Variants in PITPNM3 observed in about 807,000 individuals in gnomAD.
PITPNM3 encodes the protein membrane-associated phosphatidylinositol transfer protein 3.
A neutral mutation model predicts 102.0 loss-of-function variants in PITPNM3; 26 were observed. The observed-to-expected ratio is 0.25, with a 90% CI of 0.19 to 0.35. The LOEUF (loss-of-function observed/expected upper bound fraction) is 0.35. Ranked by LOEUF, PITPNM3 falls within the 10% of genes least tolerant of loss-of-function variation. PITPNM3 has a pLI of 1.00. For synonymous variants in PITPNM3, 578 were observed against 558.6 expected (o/e 1.03, Z -0.49); for missense variants, 1,083 against 1,346.1 (o/e 0.80, Z 3.06).
At chr17:6,510,222 A>G (rs945546926) in intron 3 of PITPNM3, among the ~76,000 whole-genome samples, 7 of 152,102 alleles carry the variant, frequency 4.6e-5, no homozygotes, top group Admixed American at 3.9e-4. Flanking sequence ...TGGGGTTTTT[A>G]TATCTCTTCC....
chr17:6,465,111 G>C (rs1433864066), intron 14 of PITPNM3, among the ~76,000 whole-genome samples: 1 of 152,192 alleles, frequency 6.6e-6, no homozygotes, highest in African/African-American at 2.4e-5. Context: ...GGAGTGCAAT[G>C]GCGCAATCTC....
rs867871 is a variant in PITPNM3, at chr17:6,458,591, T to A, written c.2491-869A>T. On this transcript the variant is annotated intron_variant, in intron 18 of 19. Transcript: ENST00000262483. The surrounding 1 kb of genome is among the most constrained non-coding windows in gnomAD (Gnocchi z 5.1). Reference sequence around the variant, plus strand: ...CCCTCTAACTGTGAACTTCCACATGTCCGCTCCGCTCAGGGCTTCTGCCCC... The same window carrying A: ...CCCTCTAACTGTGAACTTCCACATGACCGCTCCGCTCAGGGCTTCTGCCCC... 0.48 allele frequency among the ~76,000 whole-genome samples: 73,502 copies of A among 151,916 alleles called. 18,288 individuals carry two copies. The highest frequency in any genetic ancestry group is 0.66 in the Middle Eastern group (194 of 294).
intron 14 of PITPNM3, among the ~76,000 whole-genome samples, chr17:6,466,268 C>A (rs1241113706): frequency 6.6e-6 from 1 of 152,228 alleles, no homozygotes; most frequent in African/African-American, 2.4e-5. Flanking sequence ...AAGAAACACT[C>A]CTCGGACTCC....
At chr17:6,532,534 G>C (rs1909200210) in intron 2 of PITPNM3, among the ~76,000 whole-genome samples, 1 of 151,976 alleles carries the variant, frequency 6.6e-6, no homozygotes, top group Non-Finnish European at 1.5e-5. Flanking sequence ...TCTGCTCCTG[G>C]CACCACAGAT....
At position 6,472,580 on chromosome 17, in the gene PITPNM3, T is replaced by G; in HGVS notation, c.1429+77A>C. The G allele has an allele frequency of 6.5e-7, 1 of 1,529,828 alleles. No individual in the cohort carries two copies. Among genetic ancestry groups the G allele is most frequent in the Non-Finnish European group, 8.9e-7 (1 of 1,125,788 alleles). The allele number at this position is 1,529,828 out of a possible 1,614,324, so 94.8% of individuals were successfully genotyped here. On this transcript the variant is annotated intron_variant, in intron 11 of 19. Coordinates refer to ENST00000262483, the MANE Select transcript of PITPNM3 (RefSeq NM_031220.4). The surrounding 1 kb of genome is among the most constrained non-coding windows in gnomAD (Gnocchi z 4.1). The stretch of plus-strand genomic sequence containing the variant: ...TGCTCAGGTGAGTCACCCTACTCAC[T>G]GAGAGCTTGGAGGGGTTGAATGGGC...
At position 6,525,477 on chromosome 17, in the gene PITPNM3, C is replaced by G; in HGVS notation, c.119-14G>C. The G allele has an allele frequency of 1.2e-6, 2 of 1,600,106 alleles. No individual in the cohort carries two copies. The highest frequency in any genetic ancestry group is 1.7e-6 in the Non-Finnish European group (2 of 1,167,274). On this transcript the variant is annotated splice_polypyrimidine_tract_variant and intron_variant, in intron 2 of 19. Coordinates refer to ENST00000262483, the MANE Select transcript of PITPNM3 (RefSeq NM_031220.4). ...CAGCCATCTCCTCTGTGGGAAGAAGCAGCGGTGAGCAGAAGCAGGTGCAGC... is the reference window on the plus strand; with the variant it reads ...CAGCCATCTCCTCTGTGGGAAGAAGGAGCGGTGAGCAGAAGCAGGTGCAGC...
At chr17:6,521,550 G>T (rs1908518857) in intron 3 of PITPNM3, 1 of 151,692 alleles carries the variant, frequency 6.6e-6, no homozygotes, top group Non-Finnish European at 1.5e-5. Flanking sequence ...TTGAACAATT[G>T]TAAAATAATA....
At chr17:6,484,013 G>A (rs1905919903) in intron 5 of PITPNM3, among the ~76,000 whole-genome samples, 2 of 152,176 alleles carry the variant, frequency 1.3e-5, no homozygotes, top group Admixed American at 6.5e-5. Flanking sequence ...TGCCAGGAGG[G>A]ATGTCAGGGC....
intron 3 of PITPNM3, among the ~76,000 whole-genome samples, chr17:6,520,647 A>C (rs1200462162): frequency 6.6e-6 from 1 of 152,210 alleles, no homozygotes; most frequent in Non-Finnish European, 1.5e-5. Flanking sequence ...GATTTTTTCC[A>C]ATGAGAATAC....
chr17:6,536,165 G>A (rs142343322), intron 2 of PITPNM3, among the ~76,000 whole-genome samples: 8 of 152,224 alleles, frequency 5.3e-5, no homozygotes, highest in East Asian at 3.9e-4. Context: ...CCGATTTCAC[G>A]GCAGAACAAG....
At position 6,474,598 on chromosome 17, in the gene PITPNM3, G is replaced by A; in HGVS notation, c.1092C>T (p.His364=). The A allele has an allele frequency of 1.3e-6, 2 of 1,564,878 alleles. No homozygotes were observed. The highest frequency in any genetic ancestry group is 3.3e-4 in the Middle Eastern group (2 of 6,006). The change falls in exon 10 of 20, where the codon CAC becomes CAT. Residue 364 remains histidine (H), a synonymous_variant. Transcript: ENST00000262483. The part of the protein sequence containing the change: ...TQHHAFLSSI[H]SSVLKDESET... ...CAGACTCATCCTTTAGCACGCTGGA[G>A]TGGATGCTGCGGAGGGAGGAGGACG...
intron 10 of PITPNM3, chr17:6,473,152 T>G: frequency 2.5e-6 from 1 of 396,106 alleles, no homozygotes. Context: ...GCAACTCCTT[T>G]AGATTCTTCC....
intron 15 of PITPNM3, 130 bp from the exon 16 acceptor site, chr17:6,464,448 C>T: frequency 8.7e-7 from 1 of 1,150,800 alleles, no homozygotes; most frequent in Non-Finnish European, 1.3e-6. Flanking sequence ...AGCCTGGCTC[C>T]TCATTTGTCC....
In PITPNM3 at chr17:6,517,019, G is replaced by A. The variant is rs1908229258; in HGVS notation, c.226+8337C>T. ...GAGGCCATGGAGGAATAGCTGCAGA[G>A]ATAGTTGGGAACGTGATAATGGAGG... On this transcript the variant is annotated intron_variant, in intron 3 of 19. Transcript: ENST00000262483. This position sits in a 1 kb window ranked among gnomAD's most constrained non-coding sequence, Gnocchi z 4.1. Among the ~76,000 whole-genome samples the A allele has an allele frequency of 6.6e-6, 1 of 152,220 alleles. No individual in the cohort carries two copies. Among genetic ancestry groups the A allele is most frequent in the Non-Finnish European group, 1.5e-5 (1 of 68,044 alleles).
Position 6,550,824 on chromosome 17 carries a change from G to GA in PITPNM3, c.22+5560dup, listed in dbSNP as rs1316813128. On this transcript the variant is annotated intron_variant, in intron 1 of 19. Transcript: ENST00000262483. ...CAAGTCACAGAGGCCTCAAATGGGG[G>GA]ATAAGGGGTTCCAGGCCCAGGGTCA... Among the ~76,000 whole-genome samples, 16 of 152,326 alleles carry GA rather than the reference G, an allele frequency of 1.1e-4. No individual in the cohort carries two copies. The East Asian group carries it at 3.1e-3, about 29-fold the overall frequency.
At chr17:6,538,981 T>C (rs1252740898) in intron 1 of PITPNM3, among the ~76,000 whole-genome samples, 1 of 151,952 alleles carries the variant, frequency 6.6e-6, no homozygotes, top group Non-Finnish European at 1.5e-5. Flanking sequence ...GAGCATAAAC[T>C]GTTCCTGAAG....
chr17:6,482,591 C>T (rs975507178), intron 6 of PITPNM3, among the ~76,000 whole-genome samples: 13 of 152,126 alleles, frequency 8.5e-5, no homozygotes, highest in African/African-American at 2.2e-4. Context: ...GTCAGCAGCA[C>T]AGATAAAACA....
chr17:6,477,923 G>T, intron 8 of PITPNM3, 52 bp downstream of exon 8: 1 of 1,604,786 alleles, frequency 6.2e-7, no homozygotes. Context: ...CCGAGGGGCA[G>T]GCCCTGCTCC....
At chr17:6,534,874 C>A (rs1909331418) in intron 2 of PITPNM3, among the ~76,000 whole-genome samples, 1 of 152,118 alleles carries the variant, frequency 6.6e-6, no homozygotes, top group Admixed American at 6.5e-5. Context: ...GCTGCCCAGG[C>A]AGCAATGAGA....
Sources: gnomAD v4.1 joint callset for allele counts (sites outside exome capture counted in the v4.1 genomes callset) on GRCh38, gnomAD v4.1.1 for gene constraint, Gnocchi (gnomAD v3.1) non-coding constraint, MANE v1.5 for transcripts, NCBI Gene and HGNC (gene_info 2026-07-23, HGNC 2026-07-21) for gene names.